Variants in PCDH9 observed in about 807,000 individuals in gnomAD.
PCDH9 encodes protocadherin-9.
PCDH9 carries 24 observed loss-of-function variants against 70.6 expected under a neutral mutation model. The ratio of observed to expected loss-of-function variants is 0.34; its 90% confidence interval spans 0.25 to 0.48. PCDH9 has a LOEUF of 0.48. PCDH9 is among the 20% of genes least tolerant of loss of function. The pLI is 0.99. For synonymous variants in PCDH9, 562 were observed against 558.5 expected, an observed-to-expected ratio of 1.01 and a Z score of -0.09; for missense variants, 1,281 against 1,503.6, an observed-to-expected ratio of 0.85 and a Z score of 2.45.
intron 2 of PCDH9, among the ~76,000 whole-genome samples, chr13:67,033,843 C>T (rs1192461178): frequency 6.6e-6 from 1 of 152,118 alleles, no homozygotes; most frequent in East Asian, 1.9e-4. Flanking sequence ...AGGGTTGGTG[C>T]TCACTTCAAG....
chr13:66,749,332 A>C (rs1291410136), intron 3 of PCDH9, among the ~76,000 whole-genome samples: 3 of 152,202 alleles, frequency 2.0e-5, no homozygotes, highest in Non-Finnish European at 4.4e-5. Context: ...ATAAAAATCA[A>C]AATCCATCTG....
At chr13:67,102,909 G>A (rs2138244547) in intron 2 of PCDH9, among the ~76,000 whole-genome samples, 1 of 152,000 alleles carries the variant, frequency 6.6e-6, no homozygotes, top group Admixed American at 6.5e-5. Context: ...GAGACAACAT[G>A]GTTATACTCC....
chr13:66,690,442 G>A (rs1207148000), intron 3 of PCDH9, among the ~76,000 whole-genome samples: 1 of 152,014 alleles, frequency 6.6e-6, no homozygotes, highest in Admixed American at 6.6e-5. Flanking sequence ...CTATACAAAA[G>A]GTTACATTTG....
intron 2 of PCDH9, among the ~76,000 whole-genome samples, chr13:67,007,290 A>G (rs9599172): frequency 0.16 from 24,760 of 152,090 alleles, 2,147 homozygotes; most frequent in Middle Eastern, 0.24. Context: ...AAAAAAATTT[A>G]TAAGTATTAA....
intron 2 of PCDH9, among the ~76,000 whole-genome samples, chr13:67,127,999 G>T (rs77916547): frequency 0.013 from 1,945 of 152,062 alleles, 22 homozygotes; most frequent in Non-Finnish European, 0.019. Flanking sequence ...ATATTACAGC[G>T]GTATTCTCAT....
chr13:66,533,162 T>C (rs954807107), intron 4 of PCDH9, among the ~76,000 whole-genome samples: 4 of 152,138 alleles, frequency 2.6e-5, no homozygotes, highest in Non-Finnish European at 5.9e-5. Context: ...CTTGAAACGA[T>C]GGTGAAACGG....
intron 4 of PCDH9, among the ~76,000 whole-genome samples, chr13:66,555,356 C>T (rs1184238485): frequency 6.6e-6 from 1 of 150,688 alleles, no homozygotes; most frequent in African/African-American, 2.4e-5. Context: ...ACGTTAGAAA[C>T]CTAGATAGCA....
At chr13:67,166,507 A>G (rs1485296540) in intron 2 of PCDH9, among the ~76,000 whole-genome samples, 1 of 152,212 alleles carries the variant, frequency 6.6e-6, no homozygotes, top group East Asian at 1.9e-4. Flanking sequence ...TGACATTTTA[A>G]TGAGCTTTTA....
chr13:66,512,954 A>G (rs976364853), intron 4 of PCDH9, among the ~76,000 whole-genome samples: 26 of 151,818 alleles, frequency 1.7e-4, no homozygotes. Flanking sequence ...TCAGCCTCCC[A>G]CATAGCTGGG....
chr13:67,045,845 G>T (rs767416812), intron 2 of PCDH9, among the ~76,000 whole-genome samples: 2 of 152,010 alleles, frequency 1.3e-5, no homozygotes, highest in Non-Finnish European at 2.9e-5. Flanking sequence ...GGTAATTTTT[G>T]TTCCTTGATT....
chr13:66,993,184 C>T (rs2084039072), intron 2 of PCDH9, among the ~76,000 whole-genome samples: 3 of 152,074 alleles, frequency 2.0e-5, no homozygotes, highest in Admixed American at 1.3e-4. Context: ...GTTTTTATGT[C>T]ATGGAATACA....
chr13:66,796,901 T>C (rs965092777), intron 3 of PCDH9, among the ~76,000 whole-genome samples: 3 of 152,030 alleles, frequency 2.0e-5, no homozygotes, highest in Admixed American at 1.3e-4. Context: ...GAAGTAAATT[T>C]TGATTTCTGT....
chr13:66,702,215 A>G (rs2078656524), intron 3 of PCDH9, among the ~76,000 whole-genome samples: 1 of 152,264 alleles, frequency 6.6e-6, no homozygotes, highest in African/African-American at 2.4e-5. Context: ...AATTTTGCAA[A>G]GGGGAATATA....
chr13:66,930,158 A>C (rs1385674070), intron 2 of PCDH9, among the ~76,000 whole-genome samples: 1 of 152,130 alleles, frequency 6.6e-6, no homozygotes, highest in African/African-American at 2.4e-5. Flanking sequence ...ATGCACCTTT[A>C]TTTTATTAAG....
At chr13:66,787,245 G>A (rs932370081) in intron 3 of PCDH9, among the ~76,000 whole-genome samples, 1 of 152,112 alleles carries the variant, frequency 6.6e-6, no homozygotes, top group Admixed American at 6.6e-5. Context: ...AAAGAACACA[G>A]CACTTTTTAT....
At chr13:66,908,052 T>C (rs2082393008) in intron 2 of PCDH9, among the ~76,000 whole-genome samples, 1 of 152,204 alleles carries the variant, frequency 6.6e-6, no homozygotes, top group African/African-American at 2.4e-5. Flanking sequence ...AAGAAATTTA[T>C]GTTTGCAGAA....
At chr13:66,654,611 C>G in intron 3 of PCDH9, among the ~76,000 whole-genome samples, 1 of 151,996 alleles carries the variant, frequency 6.6e-6, no homozygotes, top group Middle Eastern at 3.4e-3. Flanking sequence ...TGTGTACACA[C>G]AAAAATTAAA....
chr13:66,786,799 G>A (rs527850497), intron 3 of PCDH9, among the ~76,000 whole-genome samples: 5 of 152,170 alleles, frequency 3.3e-5, no homozygotes, highest in South Asian at 2.1e-4. Flanking sequence ...AAGTAAAGTC[G>A]TTAGTATTTG....
chr13:66,766,178 A>T (rs1158771311), intron 3 of PCDH9, among the ~76,000 whole-genome samples: 1 of 151,994 alleles, frequency 6.6e-6, no homozygotes, highest in Non-Finnish European at 1.5e-5. Flanking sequence ...GAAAGCCATA[A>T]GCCAGATACA....
Sources: allele counts gnomAD v4.1 joint callset (sites outside exome capture counted in the v4.1 genomes callset), GRCh38; gene constraint gnomAD v4.1.1; transcripts MANE v1.5; gene names NCBI Gene and HGNC (gene_info 2026-07-23, HGNC 2026-07-21).